CNTN5: variants seen among roughly 807,000 people sequenced by gnomAD.
CNTN5 encodes the protein contactin-5.
CNTN5 carries 77 observed loss-of-function variants against 129.1 expected under a neutral mutation model. The ratio of observed to expected loss-of-function variants is 0.60; its 90% CI spans 0.50 to 0.72. The LOEUF is 0.72. Ranked by LOEUF, CNTN5 falls within the 30% of genes least tolerant of loss-of-function variation. The probability of loss-of-function intolerance (pLI) is 0.00; values close to 1 mark genes in which losing one functional copy is unlikely to be tolerated. For missense variants in CNTN5, 1,478 were observed against 1,328.8 expected (o/e 1.11, Z -1.75); for synonymous variants, 509 against 465.6 (o/e 1.09, Z -1.20).
chr11:99,027,099 G>T (rs1361275642), intron 1 of CNTN5, among the ~76,000 whole-genome samples: 1 of 151,038 alleles, frequency 6.6e-6, no homozygotes, highest in Non-Finnish European at 1.5e-5. Flanking sequence ...TGACAGAAGG[G>T]GTTTTTTTTT....
At chr11:99,114,930 G>A (rs965132397) in intron 1 of CNTN5, among the ~76,000 whole-genome samples, 8 of 152,142 alleles carry the variant, frequency 5.3e-5, no homozygotes, top group Non-Finnish European at 7.4e-5. Flanking sequence ...CCATTGGAAG[G>A]TGATTGGACC....
intron 3 of CNTN5, among the ~76,000 whole-genome samples, chr11:99,691,375 G>A (rs1236610063): frequency 1.3e-5 from 2 of 152,052 alleles, no homozygotes; most frequent in Non-Finnish European, 2.9e-5. Flanking sequence ...GCTTTTTAAT[G>A]TGGGCTTTTA....
chr11:100,267,593 A>G (rs1200558220), intron 17 of CNTN5, among the ~76,000 whole-genome samples: 1 of 152,096 alleles, frequency 6.6e-6, no homozygotes, highest in East Asian at 1.9e-4. Context: ...CAGCCCAGGT[A>G]TAAGGAGCAA....
intron 3 of CNTN5, among the ~76,000 whole-genome samples, chr11:99,759,610 C>T: frequency 6.7e-6 from 1 of 148,778 alleles, no homozygotes; most frequent in East Asian, 2.1e-4. Context: ...GGTGTGAAGT[C>T]ATAACCCCAG....
intron 6 of CNTN5, among the ~76,000 whole-genome samples, chr11:99,913,935 A>G (rs1229859097): frequency 6.6e-6 from 1 of 152,138 alleles, no homozygotes; most frequent in Admixed American, 6.6e-5. Flanking sequence ...TGAAAAGAGG[A>G]AAGTGAAACC....
chr11:99,161,861 C>T (rs1297169046), intron 1 of CNTN5, among the ~76,000 whole-genome samples: 1 of 152,064 alleles, frequency 6.6e-6, no homozygotes, highest in African/African-American at 2.4e-5. Context: ...TATTTAATCA[C>T]ACTTTTACCA....
chr11:100,254,741 G>GACA (rs1950033543), intron 16 of CNTN5, among the ~76,000 whole-genome samples: 1 of 152,114 alleles, frequency 6.6e-6, no homozygotes, highest in Non-Finnish European at 1.5e-5. Context: ...CCATTTCTTA[G>GACA]GGTTTAGCTC....
chr11:99,479,932 A>G (rs190863327), intron 2 of CNTN5, among the ~76,000 whole-genome samples: 2 of 152,142 alleles, frequency 1.3e-5, no homozygotes, highest in Admixed American at 1.3e-4. Flanking sequence ...ATAAAGACCT[A>G]TTAGACCAAA....
intron 2 of CNTN5, among the ~76,000 whole-genome samples, chr11:99,420,093 G>C (rs1434761161): frequency 6.6e-6 from 1 of 152,038 alleles, no homozygotes; most frequent in Non-Finnish European, 1.5e-5. Flanking sequence ...TGTTAGAGGT[G>C]ATTTAGTGCA....
chr11:99,733,826 G>C (rs1259742266), intron 3 of CNTN5, among the ~76,000 whole-genome samples: 1 of 152,166 alleles, frequency 6.6e-6, no homozygotes, highest in East Asian at 1.9e-4. Context: ...CACACAAGCA[G>C]TGATAAAAAG....
intron 3 of CNTN5, among the ~76,000 whole-genome samples, chr11:99,585,835 C>T (rs772426388): frequency 1.6e-4 from 25 of 152,042 alleles, no homozygotes; most frequent in East Asian, 3.9e-4. Context: ...AGAATTTGGA[C>T]GATTGCAAAC....
intron 1 of CNTN5, among the ~76,000 whole-genome samples, chr11:99,299,676 C>T (rs965825124): frequency 6.6e-6 from 1 of 152,154 alleles, no homozygotes; most frequent in Non-Finnish European, 1.5e-5. Context: ...AGTTATTTCA[C>T]TAGGAGTGAT....
intron 3 of CNTN5, among the ~76,000 whole-genome samples, chr11:99,731,749 C>G (rs1460349971): frequency 6.6e-6 from 1 of 152,114 alleles, no homozygotes; most frequent in African/African-American, 2.4e-5. Flanking sequence ...ATCCCCCAGA[C>G]TAGAGTAGAT....
At position 100,074,361 on chromosome 11, in the gene CNTN5, A is replaced by G. The variant is rs1192450535; in HGVS notation, c.1580+67A>G. ...TTTGAGGTTACAGGTGACACACACA[A>G]ACTATGCAAGAAAGAGTCTTGCAGT... On this transcript the variant is annotated intron_variant, in intron 13 of 24. Coordinates refer to ENST00000524871, the MANE Select transcript of CNTN5 (RefSeq NM_014361.4). The G allele has an allele frequency of 2.3e-6, 3 of 1,310,150 alleles. No homozygotes were observed. In the African/African-American group the frequency reaches 4.5e-5, roughly 20 times the overall value. 81.2% of individuals were successfully genotyped at this position (1,310,150 alleles called of 1,614,324 possible).
At chr11:99,730,527 G>A (rs761565451) in intron 3 of CNTN5, among the ~76,000 whole-genome samples, 48 of 152,168 alleles carry the variant, frequency 3.2e-4, no homozygotes, top group Non-Finnish European at 5.9e-4. Flanking sequence ...CATTCAATGA[G>A]TATTGGTAAT....
In CNTN5 at chr11:100,052,258, A is replaced by G. The variant is rs143694703; in HGVS notation, c.981-8954A>G. ...GGAAAAATACACCTACAAAAAGTCA[A>G]TATTCAGCATCGTAATGGTAAGAGA... is the stretch of plus-strand genomic sequence containing the variant. On this transcript the variant is annotated intron_variant, in intron 9 of 24. Coordinates refer to ENST00000524871, the MANE Select transcript of CNTN5 (RefSeq NM_014361.4). Among the ~76,000 whole-genome samples, 1,044 of 151,950 alleles carry G rather than the reference A, an allele frequency of 6.9e-3. 13 individuals carry two copies. Among genetic ancestry groups the G allele is most frequent in the Non-Finnish European group, 8.0e-3 (545 of 67,800 alleles).
At chr11:100,332,977 C>A (rs1157377419) in intron 21 of CNTN5, among the ~76,000 whole-genome samples, 1 of 151,930 alleles carries the variant, frequency 6.6e-6, no homozygotes, top group Admixed American at 6.6e-5. Flanking sequence ...TAAAGGGCAT[C>A]CAAATTGGTA....
chr11:99,591,686 C>T (rs964571361), intron 3 of CNTN5, among the ~76,000 whole-genome samples: 1 of 151,894 alleles, frequency 6.6e-6, no homozygotes, highest in African/African-American at 2.4e-5. Context: ...AGAGAGATAA[C>T]GAGATACTGT....
chr11:100,129,742 AC>A (rs1328755304), intron 13 of CNTN5, among the ~76,000 whole-genome samples: 2 of 152,146 alleles, frequency 1.3e-5, no homozygotes, highest in African/African-American at 4.8e-5. Context: ...CAAAGAAAAT[AC>A]CAGTTGTTCA....
Sources: gnomAD v4.1 joint callset for allele counts (sites outside exome capture counted in the v4.1 genomes callset) on GRCh38, gnomAD v4.1.1 for gene constraint, MANE v1.5 for transcripts, NCBI Gene and HGNC (gene_info 2026-07-23, HGNC 2026-07-21) for gene names.